The following IGFL2 variants were observed in gnomAD, a reference collection of about 807,000 sequenced individuals.
The protein encoded by IGFL2 is insulin growth factor-like family member 2.
In IGFL2, 7 loss-of-function variants were observed where a neutral mutation model predicts 13.9. The observed-to-expected ratio is 0.51, with a 90% CI of 0.29 to 0.95. The LOEUF (loss-of-function observed/expected upper bound fraction) is 0.95. Among genes scored for constraint, IGFL2 ranks in the 40% least tolerant of loss-of-function variants. The pLI is 0.08. For missense variants in IGFL2, 138 were observed against 147.8 expected (o/e 0.93, Z 0.34); for synonymous variants, 55 against 55.8 (o/e 0.99, Z 0.07).
chr19:46,177,478 A>G, the IGFL2 span, among the ~76,000 whole-genome samples: 9 of 152,140 alleles, frequency 5.9e-5, no homozygotes, highest in Non-Finnish European at 1.0e-4. Context: ...ATATACATAT[A>G]TATATACGCA....
intron 1 of IGFL2, among the ~76,000 whole-genome samples, chr19:46,153,425 A>T (rs989091039): frequency 2.6e-5 from 4 of 152,184 alleles, no homozygotes; most frequent in Non-Finnish European, 5.9e-5. Context: ...TAATGTAAGT[A>T]ATGTTGAACA....
chr19:46,113,461 C>A, the IGFL2 span: 2 of 377,222 alleles, frequency 5.3e-6, no homozygotes, highest in Admixed American at 3.2e-5. Context: ...TCCAGGATTA[C>A]GACAAAGAAG....
At chr19:46,171,331 G>A in the IGFL2 span, among the ~76,000 whole-genome samples, 1 of 152,188 alleles carries the variant, frequency 6.6e-6, no homozygotes, top group Admixed American at 6.5e-5. Context: ...AGGGGAGTCA[G>A]CCAGAGGGAG....
At chr19:46,106,935 G>A in the IGFL2 span, among the ~76,000 whole-genome samples, 2 of 152,238 alleles carry the variant, frequency 1.3e-5, no homozygotes, top group East Asian at 3.9e-4. Context: ...TTCGAAGGAG[G>A]CTATGAACTG....
At chr19:46,201,106 AAGG>A in the IGFL2 span, among the ~76,000 whole-genome samples, 1 of 152,224 alleles carries the variant, frequency 6.6e-6, no homozygotes, top group Non-Finnish European at 1.5e-5. Flanking sequence ...AGCAATGGAG[AAGG>A]AGAACACGCT....
chr19:46,122,034 T>A, the IGFL2 span, among the ~76,000 whole-genome samples: 1 of 151,394 alleles, frequency 6.6e-6, no homozygotes, highest in Middle Eastern at 3.4e-3. Flanking sequence ...TTTTAAAACA[T>A]GCTGTGATAT....
the IGFL2 span, among the ~76,000 whole-genome samples, chr19:46,108,304 C>T: frequency 6.6e-6 from 1 of 152,074 alleles, no homozygotes; most frequent in Non-Finnish European, 1.5e-5. Flanking sequence ...TAAAAGAATG[C>T]CTGGACATCA....
intron 2 of IGFL2, 72 bp downstream of exon 2, chr19:46,160,540 A>G: frequency 6.2e-7 from 1 of 1,612,516 alleles, no homozygotes; most frequent in East Asian, 2.2e-5. Context: ...GGGTTCACAG[A>G]GGGCTCCTGA....
At chr19:46,189,752 T>G in the IGFL2 span, 1 of 152,248 alleles carries the variant, frequency 6.6e-6, no homozygotes, top group Non-Finnish European at 1.5e-5. Context: ...GAGAGAAGAT[T>G]ATTATTATAA....
the IGFL2 span, chr19:46,137,568 C>G: frequency 9.7e-7 from 1 of 1,027,330 alleles, no homozygotes; most frequent in Admixed American, 1.7e-5. Context: ...TCCTCCGTCT[C>G]ACTGCCAGAT....
chr19:46,127,449 G>A, the IGFL2 span, among the ~76,000 whole-genome samples: 1 of 152,162 alleles, frequency 6.6e-6, no homozygotes, highest in Non-Finnish European at 1.5e-5. Context: ...TTAGGTCATA[G>A]GCAATCATTC....
chr19:46,148,428 C>G, intron 1 of IGFL2, 131 bp downstream of exon 1: 1 of 806,560 alleles, frequency 1.2e-6, no homozygotes, highest in Non-Finnish European at 2.1e-6. Context: ...CGTGTCCTCT[C>G]TGACTGCATT....
chr19:46,147,689 G>C (rs1459014738), upstream of IGFL2: 1 of 152,276 alleles, frequency 6.6e-6, no homozygotes, highest in African/African-American at 2.4e-5. Context: ...TGTTGTAACC[G>C]TACTGGGTGT....
chr19:46,129,869 A>G, the IGFL2 span, among the ~76,000 whole-genome samples: 12 of 152,108 alleles, frequency 7.9e-5, no homozygotes, highest in Admixed American at 5.9e-4. Flanking sequence ...GCAGATGTCT[A>G]TCAGGCCCAT....
At chr19:46,152,984 A>G (rs1411366262) in intron 1 of IGFL2, among the ~76,000 whole-genome samples, 1 of 152,142 alleles carries the variant, frequency 6.6e-6, no homozygotes, top group Non-Finnish European at 1.5e-5. Context: ...ATTGATTTTC[A>G]TATGTTGAAC....
At chr19:46,146,410 C>G (rs1973140650), upstream of IGFL2, among the ~76,000 whole-genome samples, 1 of 152,148 alleles carries the variant, frequency 6.6e-6, no homozygotes, top group Non-Finnish European at 1.5e-5. Flanking sequence ...ACCATCTTTC[C>G]TCATCCAAAA....
At chr19:46,131,854 G>A in the IGFL2 span, among the ~76,000 whole-genome samples, 2 of 152,062 alleles carry the variant, frequency 1.3e-5, no homozygotes, top group Admixed American at 6.5e-5. Flanking sequence ...TGGGAGAGTC[G>A]CTTGAACCCA....
the IGFL2 span, among the ~76,000 whole-genome samples, chr19:46,095,978 C>T: frequency 6.6e-6 from 1 of 152,098 alleles, no homozygotes; most frequent in Admixed American, 6.5e-5. Flanking sequence ...GTTCTTTTTG[C>T]TTAGGATTGT....
chr19:46,129,625 G>A, the IGFL2 span, among the ~76,000 whole-genome samples: 1 of 152,116 alleles, frequency 6.6e-6, no homozygotes, highest in East Asian at 1.9e-4. Context: ...TTACCCCAAA[G>A]TCATTCAGGG....
Sources: allele counts gnomAD v4.1 joint callset (sites outside exome capture counted in the v4.1 genomes callset), GRCh38; gene constraint gnomAD v4.1.1; transcripts MANE v1.5; gene names NCBI Gene and HGNC (gene_info 2026-07-23, HGNC 2026-07-21).